Variants in KCND2 observed in about 807,000 individuals in gnomAD.
The protein encoded by KCND2 is potassium voltage-gated channel subfamily D member 2, also known as A-type voltage-gated potassium channel KCND2.
A neutral mutation model predicts 54.4 loss-of-function variants in KCND2; 16 were observed. The ratio of observed to expected loss-of-function variants is 0.29; its 90% CI spans 0.20 to 0.45. The LOEUF (loss-of-function observed/expected upper bound fraction) is 0.45, where lower values mean the gene tolerates loss of function less well. Ranked by LOEUF, KCND2 falls within the 20% of genes least tolerant of loss-of-function variation. The pLI is 1.00. For missense variants in KCND2, 486 were observed against 824.2 expected (o/e 0.59, Z 5.02); for synonymous variants, 317 against 310.7 (o/e 1.02, Z -0.21).
chr7:120,613,868 A>G (rs192803808), intron 1 of KCND2, among the ~76,000 whole-genome samples: 2 of 152,304 alleles, frequency 1.3e-5, no homozygotes, highest in Admixed American at 6.5e-5. Context: ...ACATATACAT[A>G]TTAACTATTT....
At chr7:120,285,366 T>C (rs1368156685) in intron 1 of KCND2, among the ~76,000 whole-genome samples, 2 of 152,050 alleles carry the variant, frequency 1.3e-5, no homozygotes, top group Non-Finnish European at 2.9e-5. Context: ...TGATAGTCAA[T>C]TGGTTTTCAG....
At chr7:120,362,483 G>C (rs899912202) in intron 1 of KCND2, among the ~76,000 whole-genome samples, 2 of 152,122 alleles carry the variant, frequency 1.3e-5, no homozygotes, top group East Asian at 1.9e-4. Flanking sequence ...TATGCTAAAA[G>C]TCTGGCATTT....
intron 1 of KCND2, among the ~76,000 whole-genome samples, chr7:120,492,498 G>A (rs115183825): frequency 0.011 from 1,687 of 151,894 alleles, 24 homozygotes; most frequent in African/African-American, 0.037. Context: ...AAAATTTATC[G>A]CTCACAGTTC....
At chr7:120,518,545 T>C (rs908942786) in intron 1 of KCND2, among the ~76,000 whole-genome samples, 1 of 152,146 alleles carries the variant, frequency 6.6e-6, no homozygotes, top group Non-Finnish European at 1.5e-5. Context: ...TAGAATGAGA[T>C]TCAAGAATAA....
chr7:120,313,568 G>T (rs551127648), intron 1 of KCND2, among the ~76,000 whole-genome samples: 2 of 152,056 alleles, frequency 1.3e-5, no homozygotes, highest in African/African-American at 4.8e-5. Context: ...GTAGCAGAAA[G>T]ATCTGAATGG....
intron 1 of KCND2, among the ~76,000 whole-genome samples, chr7:120,580,114 C>T (rs986187576): frequency 6.6e-6 from 1 of 152,226 alleles, no homozygotes; most frequent in Non-Finnish European, 1.5e-5. Flanking sequence ...ATCAGTTGTA[C>T]TAGTTCAATC....
chr7:120,581,418 GA>G (rs774680549), intron 1 of KCND2, among the ~76,000 whole-genome samples: 2 of 152,178 alleles, frequency 1.3e-5, no homozygotes, highest in Non-Finnish European at 2.9e-5. Context: ...GAATATCCTA[GA>G]ACAGACAGTC....
intron 1 of KCND2, among the ~76,000 whole-genome samples, chr7:120,395,270 A>G (rs1481488156): frequency 1.3e-5 from 2 of 152,076 alleles, no homozygotes; most frequent in East Asian, 1.9e-4. Flanking sequence ...GCAGCTTTCC[A>G]TAGCTATTAT....
At chr7:120,737,174 A>G (rs922006356) in intron 2 of KCND2, among the ~76,000 whole-genome samples, 1 of 151,712 alleles carries the variant, frequency 6.6e-6, no homozygotes, top group Non-Finnish European at 1.5e-5. Context: ...AAATTTTGCT[A>G]ATAAATTCCC....
chr7:120,544,906 A>G (rs1203486919), intron 1 of KCND2, among the ~76,000 whole-genome samples: 1 of 151,848 alleles, frequency 6.6e-6, no homozygotes, highest in Non-Finnish European at 1.5e-5. Context: ...GAATTCCCTT[A>G]TTTTACCTTG....
chr7:120,511,418 A>G (rs1803113666), intron 1 of KCND2, among the ~76,000 whole-genome samples: 1 of 152,122 alleles, frequency 6.6e-6, no homozygotes, highest in Non-Finnish European at 1.5e-5. Flanking sequence ...TTTACTAGAT[A>G]TCTCTAGCAC....
At chr7:120,416,760 AG>A (rs1311100722) in intron 1 of KCND2, among the ~76,000 whole-genome samples, 3 of 146,940 alleles carry the variant, frequency 2.0e-5, no homozygotes. Flanking sequence ...CTCTCTCTGG[AG>A]GGACTCATAG....
At chr7:120,396,039 A>G (rs537050476) in intron 1 of KCND2, among the ~76,000 whole-genome samples, 11 of 152,170 alleles carry the variant, frequency 7.2e-5, no homozygotes, top group African/African-American at 2.6e-4. Context: ...CAGTTCAGCC[A>G]TATTTTGTAT....
chr7:120,653,743 G>T (rs1010314798), intron 1 of KCND2, among the ~76,000 whole-genome samples: 8 of 152,162 alleles, frequency 5.3e-5, no homozygotes, highest in Non-Finnish European at 1.2e-4. Context: ...TGTGGCAATT[G>T]TTATGCTAAA....
chr7:120,302,865 A>G (rs142754844), intron 1 of KCND2, among the ~76,000 whole-genome samples: 88 of 152,316 alleles, frequency 5.8e-4, no homozygotes, highest in South Asian at 2.1e-3. Flanking sequence ...ACTTGAGTAG[A>G]TTTTAGAGAT....
At chr7:120,462,102 T>A (rs1389489726) in intron 1 of KCND2, among the ~76,000 whole-genome samples, 1 of 152,096 alleles carries the variant, frequency 6.6e-6, no homozygotes, top group Non-Finnish European at 1.5e-5. Context: ...AGTGTTGTAT[T>A]AGTATCTCAT....
chr7:120,720,462 C>T (rs1792652521), intron 1 of KCND2, among the ~76,000 whole-genome samples: 1 of 152,114 alleles, frequency 6.6e-6, no homozygotes, highest in African/African-American at 2.4e-5. Context: ...TTGGTTATGC[C>T]TCTTACTAGT....
intron 1 of KCND2, among the ~76,000 whole-genome samples, chr7:120,702,880 C>T (rs567333985): frequency 2.6e-5 from 4 of 152,164 alleles, no homozygotes; most frequent in Admixed American, 6.6e-5. Flanking sequence ...ATAACCCCCC[C>T]GTCACAGGTT....
At chr7:120,635,934 A>C (rs1283828247) in intron 1 of KCND2, among the ~76,000 whole-genome samples, 1 of 152,146 alleles carries the variant, frequency 6.6e-6, no homozygotes, top group Non-Finnish European at 1.5e-5. Context: ...TCAAATGATG[A>C]ATATTCATTT....
Sources: allele counts gnomAD v4.1 joint callset (sites outside exome capture counted in the v4.1 genomes callset), GRCh38; gene constraint gnomAD v4.1.1; transcripts MANE v1.5; gene names NCBI Gene and HGNC (gene_info 2026-07-23, HGNC 2026-07-21).